Variants in SLC16A8 observed in about 807,000 individuals in gnomAD.
SLC16A8 encodes the protein monocarboxylate transporter 3.
In SLC16A8, 20 loss-of-function variants were observed where a neutral mutation model predicts 22.4. That is an observed-to-expected ratio of 0.89 (90% CI 0.63 to 1.30). SLC16A8 has a LOEUF of 1.30. Among genes scored for constraint, SLC16A8 ranks in the 50% most tolerant of loss-of-function variants. The probability of loss-of-function intolerance (pLI) is 0.00; values close to 1 mark genes in which losing one functional copy is unlikely to be tolerated. For synonymous variants in SLC16A8, 393 were observed against 358.8 expected, an observed-to-expected ratio of 1.10 and a Z score of -1.08; for missense variants, 817 against 740.3, an observed-to-expected ratio of 1.10 and a Z score of -1.20.
At chr22:38,080,814 C>T (rs979868647) in intron 5 of SLC16A8, 26 bp downstream of exon 5, 38 of 1,464,708 alleles carry the variant, frequency 2.6e-5, no homozygotes, top group Non-Finnish European at 3.2e-5. Context: ...ACTAGGCTCG[C>T]CACCCCCTCT....
Position 38,081,575 on chromosome 22 carries a change from C to A in SLC16A8, c.463G>T (p.Val155Leu), listed in dbSNP as rs1260491049. Residue 155 changes from valine to leucine, a missense_variant, in exon 5 of 6, where the codon GTG becomes TTG. Physicochemically the swap from Val to Leu is conservative, Grantham distance 32. Coordinates refer to ENST00000681075, the MANE Select transcript of SLC16A8 (RefSeq NM_013356.3). ...AGCGGCGACAGCGCGGACAGGAACA[C>A]GGGGCTGCCCGCCGCCGCCAGCCCG... Reference protein sequence around the residue: ...ANGLAAAGSPVFLSALSPLGQ... With the variant: ...ANGLAAAGSPLFLSALSPLGQ... 2 of 1,508,200 alleles carry A rather than the reference C, an allele frequency of 1.3e-6. No homozygotes were observed. The highest frequency in any genetic ancestry group is 1.8e-6 in the Non-Finnish European group (2 of 1,136,748). The allele number at this position is 1,508,200 out of a possible 1,614,324, so 93.4% of individuals were successfully genotyped here. A position where few individuals can be genotyped will look rare whatever the true frequency, so the allele number is the denominator to read the frequency against.
Position 38,081,164 on chromosome 22 carries a change from G to A in SLC16A8, c.874C>T (p.Leu292=). 1 of 1,552,160 alleles carries A rather than the reference G, an allele frequency of 6.4e-7. No homozygotes were observed. The highest frequency in any genetic ancestry group is 8.7e-7 in the Non-Finnish European group (1 of 1,147,742). ...GVPDTDAAFL[L]SIVGFVDIVA... Reference sequence around the variant, plus strand: ...ATGTCCACGAAGCCCACGATGGACAGCAGGAAGGCGGCGTCGGTGTCGGGC... The same window carrying A: ...ATGTCCACGAAGCCCACGATGGACAACAGGAAGGCGGCGTCGGTGTCGGGC... The change falls in exon 5 of 6, where the codon CTG becomes TTG. Residue 292 remains leucine, a synonymous_variant. Coordinates refer to ENST00000681075, the MANE Select transcript of SLC16A8 (RefSeq NM_013356.3).
At position 38,078,525 on chromosome 22, in the gene SLC16A8, C is replaced by T; in HGVS notation, c.1378G>A (p.Glu460Lys). The part of the protein sequence containing the change: ...GASDTEDAEA[E>K]GDSEPLPVVA... Reference sequence around the variant, plus strand: ...ACAGGCAGGGGCTCAGAGTCCCCTTCAGCCTCAGCGTCCTCAGTGTCACTG... The same window carrying T: ...ACAGGCAGGGGCTCAGAGTCCCCTTTAGCCTCAGCGTCCTCAGTGTCACTG... Residue 460 changes from glutamate to lysine, a missense_variant, in exon 6 of 6, where the codon GAA becomes AAA. Coordinates refer to ENST00000681075, the MANE Select transcript of SLC16A8 (RefSeq NM_013356.3). 6.2e-7 allele frequency: 1 copy of T among 1,614,198 alleles called. No individual in the cohort carries two copies. Among genetic ancestry groups the T allele is most frequent in the Non-Finnish European group, 8.5e-7 (1 of 1,180,046 alleles).
rs544917674 is a variant in SLC16A8, at chr22:38,078,163, G to C, written c.*225C>G. ...GTCGTTCAGCTGAGCTTTATCACCA[G>C]TTTCCTGTTGCTCCATAGCAGCTTC... is the stretch of plus-strand genomic sequence containing the variant. On this transcript the variant is annotated 3_prime_UTR_variant, in exon 6 of 6. Coordinates refer to ENST00000681075, the MANE Select transcript of SLC16A8 (RefSeq NM_013356.3). 1 of 530,376 alleles carries C rather than the reference G, an allele frequency of 1.9e-6. No individual in the cohort carries two copies. Among genetic ancestry groups the C allele is most frequent in the African/African-American group, 1.9e-5 (1 of 53,008 alleles). 32.9% of individuals were successfully genotyped at this position (530,376 alleles called of 1,614,324 possible).
chr22:38,081,097 C>A lies in SLC16A8; in HGVS notation c.941G>T (p.Arg314Leu), dbSNP rs2085909257. 1 of 1,553,924 alleles carries A rather than the reference C, an allele frequency of 6.4e-7. No individual in the cohort carries two copies. Among genetic ancestry groups the A allele is most frequent in the African/African-American group, 1.4e-5 (1 of 73,702 alleles). ...PACGALAGLA[R>L]LRPHVPYLFS... ...CAGATACGGGACGTGCGGCCGCAGA[C>A]GCGCCAGGCCCGCCAGGGCGCCGCA... The change falls in exon 5 of 6, where the codon CGT (arginine) becomes CTT (leucine). Residue 314 changes from arginine to leucine, a missense_variant. Coordinates refer to ENST00000681075, the MANE Select transcript of SLC16A8 (RefSeq NM_013356.3).
intron 4 of SLC16A8, 24 bp from the exon 5 acceptor site, chr22:38,081,703 C>T (rs990616533): frequency 3.4e-6 from 5 of 1,478,892 alleles, no homozygotes; most frequent in African/African-American, 1.4e-5. Flanking sequence ...GGTGCTGTGC[C>T]GGGGTCCCCG....
At chr22:38,082,127 G>A (rs1232672299) in intron 3 of SLC16A8, 95 bp from the exon 4 acceptor site, 15 of 1,361,320 alleles carry the variant, frequency 1.1e-5, no homozygotes, top group East Asian at 2.5e-5. Context: ...AGAGAGGAGG[G>A]CAGTGTCTGG....
intron 5 of SLC16A8, 105 bp downstream of exon 5, chr22:38,080,735 G>T: frequency 7.2e-7 from 1 of 1,392,990 alleles, no homozygotes; most frequent in Non-Finnish European, 9.4e-7. Flanking sequence ...CCACCCGACT[G>T]CCCCTTCCCC....
chr22:38,081,418 T>C lies in SLC16A8; in HGVS notation c.620A>G (p.Asp207Gly), dbSNP rs1340222544. Reference protein sequence around the residue: ...PPGPGPRPRRDSAGDRAGDAP... With the variant: ...PPGPGPRPRRGSAGDRAGDAP... The stretch of plus-strand genomic sequence containing the variant: ...GTCCCCGGCGCGGTCGCCGGCGCTG[T>C]CCCTGCGCGGTCGCGGGCCCGGCCC... Residue 207 changes from aspartate to glycine, a missense_variant, in exon 5 of 6, where the codon GAC (aspartate) becomes GGC (glycine). Physicochemically the swap from Asp to Gly is moderately conservative, Grantham distance 94. Transcript: ENST00000681075. 2.4e-5 allele frequency: 31 copies of C among 1,307,910 alleles called. No individual in the cohort carries two copies. Among genetic ancestry groups the C allele is most frequent in the Non-Finnish European group, 2.6e-5 (27 of 1,035,254 alleles). The allele number at this position is 1,307,910 out of a possible 1,614,324, so 81.0% of individuals were successfully genotyped here.
chr22:38,081,014 AGC>A lies in SLC16A8; in HGVS notation c.1022_1023del (p.Arg341LeufsTer69), dbSNP rs940167920. ...CAGAAGGCGACGAGGGCGCCGTAGG[AGC>A]GCGCGCGTGCGCTGCTCAGGTCTGT... The part of the protein sequence containing the change: ...GLTDLSSARA[R>X]SYGALVAFCV... On this transcript the variant is annotated frameshift_variant, in exon 5 of 6. Transcript: ENST00000681075. LOFTEE classifies it high-confidence loss of function. The A allele has an allele frequency of 6.3e-7, 1 of 1,597,874 alleles. No individual in the cohort carries two copies. Among genetic ancestry groups the A allele is most frequent in the Non-Finnish European group, 8.5e-7 (1 of 1,177,722 alleles).
At chr22:38,081,786 G>T (rs1045158759) in intron 4 of SLC16A8, 103 bp downstream of exon 4, 17 of 1,462,660 alleles carry the variant, frequency 1.2e-5, no homozygotes, top group South Asian at 1.4e-5. Flanking sequence ...GAACCCAGCC[G>T]AGGGACTTCG....
chr22:38,081,336 G>A lies in SLC16A8; in HGVS notation c.702C>T (p.Pro234=), dbSNP rs1412279781. 1 of 1,471,448 alleles carries A rather than the reference G, an allele frequency of 6.8e-7. No homozygotes were observed. The highest frequency in any genetic ancestry group is 2.8e-5 in the East Asian group (1 of 36,208). The allele number at this position is 1,471,448 out of a possible 1,614,324, so 91.1% of individuals were successfully genotyped here. Residue 234 remains proline (P), a synonymous_variant, in exon 5 of 6, where the codon CCC becomes CCT. Transcript: ENST00000681075. ...GCAGGCGCCGGCGGGGCCGGACCCT[G>A]GGGGATGCCTCGCGCAGCTGCAGCC... ...GAGLQLREAS[P]RVRPRRRLLD... is the part of the protein sequence containing the mutation.
rs764606112 is a variant in SLC16A8, at chr22:38,081,118, C to G, written c.920G>C (p.Gly307Ala). The change falls in exon 5 of 6, where the codon GGC becomes GCC. Residue 307 changes from glycine to alanine, a missense_variant. Transcript: ENST00000681075. Reference sequence around the variant, plus strand: ...CAGACGCGCCAGGCCCGCCAGGGCGCCGCACGCCGGGCGCGCCACGATGTC... The same window carrying G: ...CAGACGCGCCAGGCCCGCCAGGGCGGCGCACGCCGGGCGCGCCACGATGTC... ...FVDIVARPAC[G>A]ALAGLARLRP... 1.3e-6 allele frequency: 2 copies of G among 1,545,662 alleles called. No homozygotes were observed. Among genetic ancestry groups the G allele is most frequent in the Non-Finnish European group, 1.7e-6 (2 of 1,146,952 alleles).
In SLC16A8 at chr22:38,082,887, G is replaced by C. The variant is rs745497986; in HGVS notation, c.-8-6C>G. 4 of 1,464,368 alleles carry C rather than the reference G, an allele frequency of 2.7e-6. No individual in the cohort carries two copies. The East Asian group carries it at 9.7e-5, about 35-fold the overall frequency. The allele number at this position is 1,464,368 out of a possible 1,614,324, so 90.7% of individuals were successfully genotyped here. ...GCCAGCGCCCATCGCTGCCTCTGTT[G>C]GGAGGGGGCGGGGACAAGAGGGAGG... On this transcript the variant is annotated splice_region_variant and splice_polypyrimidine_tract_variant and intron_variant, in intron 2 of 5. Transcript: ENST00000681075.
At position 38,081,304 on chromosome 22, in the gene SLC16A8, A is replaced by T. The variant is rs1187236730; in HGVS notation, c.734T>A (p.Leu245Ter). The change falls in exon 5 of 6, where the codon TTG becomes TAG. Residue 245 changes from leucine to a stop codon, truncating the protein, a stop_gained. Coordinates refer to ENST00000681075, the MANE Select transcript of SLC16A8 (RefSeq NM_013356.3). LOFTEE classifies it high-confidence loss of function. ...GAAGGCGCGGTCGGTGCACACTGCCAAGTCCAGCAGGCGCCGGCGGGGCCG... is the reference window on the plus strand; with the variant it reads ...GAAGGCGCGGTCGGTGCACACTGCCTAGTCCAGCAGGCGCCGGCGGGGCCG... Reference protein sequence around the residue: ...RVRPRRRLLDLAVCTDRAFAV... With the variant: ...RVRPRRRLLD 1.3e-6 allele frequency: 2 copies of T among 1,542,876 alleles called. No homozygotes were observed. Among genetic ancestry groups the T allele is most frequent in the Non-Finnish European group, 1.7e-6 (2 of 1,143,896 alleles).
At position 38,082,841 on chromosome 22, in the gene SLC16A8, G is replaced by C. The variant is rs1235003442; in HGVS notation, c.33C>G (p.Gly11=). Residue 11 remains glycine, a synonymous_variant, in exon 3 of 6, where the codon GGC becomes GGG. Transcript: ENST00000681075. ...CCCAGCCCCAGCCGCCGTCTGGGGGGCCCTCGCCCCGCCGGGGGCCGCCAG... is the reference window on the plus strand; with the variant it reads ...CCCAGCCCCAGCCGCCGTCTGGGGGCCCCTCGCCCCGCCGGGGGCCGCCAG... The part of the protein sequence containing the change: MGAGGPRRGE[G]PPDGGWGWVV... 8.3e-6 allele frequency: 13 copies of C among 1,565,972 alleles called. No individual in the cohort carries two copies. The highest frequency in any genetic ancestry group is 1.1e-5 in the Non-Finnish European group (13 of 1,160,760).
intron 5 of SLC16A8, among the ~76,000 whole-genome samples, chr22:38,080,424 A>T (rs189148996): frequency 2.4e-4 from 36 of 152,158 alleles, no homozygotes; most frequent in Admixed American, 9.8e-4. Flanking sequence ...TACTGTCCCC[A>T]TTCCAGTCAC....
Position 38,082,890 on chromosome 22 carries a change from AGGGGGC to A in SLC16A8, c.-8-15_-8-10del. 1 of 1,464,430 alleles carries A rather than the reference AGGGGGC, an allele frequency of 6.8e-7. No homozygotes were observed. The highest frequency in any genetic ancestry group is 9.2e-7 in the Non-Finnish European group (1 of 1,084,440). The allele number at this position is 1,464,430 out of a possible 1,614,324, so 90.7% of individuals were successfully genotyped here. On this transcript the variant is annotated splice_polypyrimidine_tract_variant and intron_variant, in intron 2 of 5. Transcript: ENST00000681075. ...AGCGCCCATCGCTGCCTCTGTTGGGAGGGGGCGGGGACAAGAGGGAGGGGCTGGGCC... is the reference window on the plus strand; with the variant it reads ...AGCGCCCATCGCTGCCTCTGTTGGGAGGGGACAAGAGGGAGGGGCTGGGCC...
chr22:38,078,761 C>G, intron 5 of SLC16A8, 57 bp from the exon 6 acceptor site: 1 of 1,475,244 alleles, frequency 6.8e-7, no homozygotes, highest in Non-Finnish European at 9.3e-7. Context: ...CCTCCCCTCA[C>G]TCTCCTGCAC....
Sources: gnomAD v4.1 joint callset for allele counts (sites outside exome capture counted in the v4.1 genomes callset) on GRCh38, gnomAD v4.1.1 for gene constraint, MANE v1.5 for transcripts, NCBI Gene and HGNC (gene_info 2026-07-23, HGNC 2026-07-21) for gene names.